PHC3: variants seen among roughly 807,000 people sequenced by gnomAD.
The protein encoded by PHC3 is polyhomeotic-like protein 3.
In PHC3, 13 loss-of-function variants were observed where a neutral mutation model predicts 107.4. The observed-to-expected ratio is 0.12, with a 90% CI of 0.08 to 0.19. The LOEUF (loss-of-function observed/expected upper bound fraction) is 0.19, where lower values mean the gene tolerates loss of function less well. Ranked by LOEUF, PHC3 falls within the 10% of genes least tolerant of loss-of-function variation. PHC3 has a pLI of 1.00. For synonymous variants in PHC3, 456 were observed against 427.4 expected (o/e 1.07, Z -0.83); for missense variants, 992 against 1,210.9 (o/e 0.82, Z 2.68).
intron 3 of PHC3, 75 bp downstream of exon 3, chr3:170,172,482 C>T (rs1729762092): frequency 1.4e-6 from 2 of 1,473,140 alleles, no homozygotes; most frequent in Admixed American, 2.2e-5. Context: ...GAAATAATAC[C>T]CAATCTATTT....
chr3:170,122,891 A>T, intron 8 of PHC3, 147 bp from the exon 9 acceptor site: 1 of 907,846 alleles, frequency 1.1e-6, no homozygotes, highest in African/African-American at 1.7e-5. Flanking sequence ...GGAAAACTTA[A>T]AAATTGCTCG....
intron 2 of PHC3, among the ~76,000 whole-genome samples, chr3:170,177,867 C>G (rs1217748084): frequency 1.3e-5 from 2 of 151,584 alleles, no homozygotes; most frequent in Non-Finnish European, 2.9e-5. Flanking sequence ...GATGGGGTTT[C>G]AACATGTTGT....
chr3:170,114,570 A>C (rs2108355568), intron 10 of PHC3, among the ~76,000 whole-genome samples: 1 of 152,346 alleles, frequency 6.6e-6, no homozygotes, highest in East Asian at 1.9e-4. Flanking sequence ...AATCCACTAT[A>C]ATCACAAAAG....
chr3:170,114,527 A>T (rs1718524159), intron 10 of PHC3, among the ~76,000 whole-genome samples: 1 of 152,234 alleles, frequency 6.6e-6, no homozygotes, highest in Non-Finnish European at 1.5e-5. Context: ...GAGGACTAGA[A>T]CTCAAGTCTC....
rs1719218810 is a variant in PHC3, at chr3:170,117,346, T to C, written c.2073A>G (p.Thr691=). The change falls in exon 10 of 15, where the codon ACA becomes ACG. Residue 691 remains threonine, a synonymous_variant. Coordinates refer to ENST00000495893, the MANE Select transcript of PHC3 (RefSeq NM_024947.4). ...LPAATTRSNS[T]SMHSSIPSIE... is the part of the protein sequence containing the mutation. The stretch of plus-strand genomic sequence containing the variant: ...TACTGGGAATGCTACTGTGCATAGA[T>C]GTACTGTTACTCCTTGTGGTGGCAG... The C allele has an allele frequency of 6.2e-6, 10 of 1,613,946 alleles. No homozygotes were observed. Among genetic ancestry groups the C allele is most frequent in the Admixed American group, 1.7e-5 (1 of 60,022 alleles).
At chr3:170,163,501 T>A (rs914102060) in intron 4 of PHC3, among the ~76,000 whole-genome samples, 10 of 137,570 alleles carry the variant, frequency 7.3e-5, no homozygotes, top group African/African-American at 2.6e-4. Context: ...TGTGTGTGTG[T>A]GTGATGGCAC....
intron 12 of PHC3, among the ~76,000 whole-genome samples, chr3:170,105,344 C>T (rs865807850): frequency 1.3e-5 from 2 of 152,082 alleles, no homozygotes; most frequent in Non-Finnish European, 2.9e-5. Context: ...ATTTGAAAAA[C>T]AGATTGACAA....
chr3:170,153,029 T>C (rs1726275546), intron 4 of PHC3, among the ~76,000 whole-genome samples: 1 of 152,210 alleles, frequency 6.6e-6, no homozygotes, highest in Non-Finnish European at 1.5e-5. Context: ...TCAATCCTGA[T>C]GACTCTTGAT....
chr3:170,105,891 A>G (rs1716404619), intron 12 of PHC3, among the ~76,000 whole-genome samples: 1 of 152,200 alleles, frequency 6.6e-6, no homozygotes, highest in Non-Finnish European at 1.5e-5. Flanking sequence ...CGATTAATGA[A>G]GAGACTAAAC....
intron 4 of PHC3, among the ~76,000 whole-genome samples, chr3:170,163,909 A>G (rs1159384410): frequency 6.7e-6 from 1 of 148,984 alleles, no homozygotes; most frequent in Non-Finnish European, 1.5e-5. Flanking sequence ...GTAATAATAT[A>G]GGAAAGCAGG....
intron 1 of PHC3, among the ~76,000 whole-genome samples, chr3:170,181,176 C>T (rs1236782346): frequency 3.3e-5 from 5 of 152,292 alleles, no homozygotes; most frequent in African/African-American, 1.2e-4. Flanking sequence ...CTCAGGCCCA[C>T]GCCGGGATGC....
At chr3:170,107,432 G>A (rs1277801402) in intron 11 of PHC3, among the ~76,000 whole-genome samples, 1 of 152,062 alleles carries the variant, frequency 6.6e-6, no homozygotes, top group African/African-American at 2.4e-5. Flanking sequence ...GATTTTACAG[G>A]AGCATGCAAA....
intron 9 of PHC3, 146 bp from the exon 10 acceptor site, chr3:170,117,622 C>T (rs1719288357): frequency 1.3e-6 from 1 of 791,070 alleles, no homozygotes; most frequent in Admixed American, 2.9e-5. Flanking sequence ...CTCATTTAAT[C>T]TGTACAATAA....
chr3:170,181,642 G>A, intron 1 of PHC3, 60 bp downstream of exon 1: 6 of 1,611,592 alleles, frequency 3.7e-6, no homozygotes, highest in Non-Finnish European at 4.2e-6. Context: ...CTGGGGGAAC[G>A]TGTCGCTGCC....
chr3:170,159,644 A>C (rs1727536847), intron 4 of PHC3, among the ~76,000 whole-genome samples: 1 of 152,220 alleles, frequency 6.6e-6, no homozygotes, highest in Non-Finnish European at 1.5e-5. Flanking sequence ...TTTCACATAC[A>C]TGATCATTAA....
intron 2 of PHC3, among the ~76,000 whole-genome samples, chr3:170,177,470 G>C (rs894030971): frequency 1.3e-5 from 2 of 152,058 alleles, no homozygotes; most frequent in Non-Finnish European, 2.9e-5. Context: ...GGGTTCAAGT[G>C]ATACTCCTGC....
Position 170,094,703 on chromosome 3 carries a change from A to C in PHC3, c.*2527T>G, listed in dbSNP as rs1714455951. 1 of 152,190 alleles carries C rather than the reference A, an allele frequency of 6.6e-6. No homozygotes were observed. The highest frequency in any genetic ancestry group is 2.4e-5 in the African/African-American group (1 of 41,450). 9.4% of individuals were successfully genotyped at this position (152,190 alleles called of 1,614,324 possible). A position where few individuals can be genotyped will look rare whatever the true frequency, so the allele number is the denominator to read the frequency against. On this transcript the variant is annotated 3_prime_UTR_variant, in exon 15 of 15. Coordinates refer to ENST00000495893, the MANE Select transcript of PHC3 (RefSeq NM_024947.4). Reference sequence around the variant, plus strand: ...TAGCAAACAAGCCATTTTTAAATAAAAACTCACTTGAAAAAAGCAAGTGCA... The same window carrying C: ...TAGCAAACAAGCCATTTTTAAATAACAACTCACTTGAAAAAAGCAAGTGCA...
chr3:170,174,787 G>A (rs548614299), intron 2 of PHC3, among the ~76,000 whole-genome samples: 20 of 152,096 alleles, frequency 1.3e-4, no homozygotes, highest in Non-Finnish European at 2.5e-4. Context: ...AAAATCAATG[G>A]GAGCTTTTGA....
chr3:170,105,565 G>A (rs575446291), intron 12 of PHC3, among the ~76,000 whole-genome samples: 1 of 152,208 alleles, frequency 6.6e-6, no homozygotes, highest in East Asian at 1.9e-4. Flanking sequence ...GGGTATGTGT[G>A]ATAATTTAAT....
Sources: gnomAD v4.1 joint callset for allele counts (sites outside exome capture counted in the v4.1 genomes callset) on GRCh38, gnomAD v4.1.1 for gene constraint, MANE v1.5 for transcripts, NCBI Gene and HGNC (gene_info 2026-07-23, HGNC 2026-07-21) for gene names.